ZNF277: variants seen among roughly 807,000 people sequenced by gnomAD.
The protein encoded by ZNF277 is zinc finger protein 277.
A neutral mutation model predicts 60.7 loss-of-function variants in ZNF277; 55 were observed. The observed-to-expected ratio is 0.91, with a 90% CI of 0.73 to 1.13. The LOEUF (loss-of-function observed/expected upper bound fraction) is 1.13, where lower values mean the gene tolerates loss of function less well. Among genes scored for constraint, ZNF277 ranks in the 50% most tolerant of loss-of-function variants. The pLI, the probability that ZNF277 is intolerant of heterozygous loss-of-function variation, is 0.00. For missense variants in ZNF277, 510 were observed against 523.0 expected (o/e 0.98, Z 0.24); for synonymous variants, 178 against 179.3 (o/e 0.99, Z 0.06).
chr7:112,254,581 TTAAAA>T (rs1791267408), intron 1 of ZNF277, among the ~76,000 whole-genome samples: 1 of 152,300 alleles, frequency 6.6e-6, no homozygotes, highest in African/African-American at 2.4e-5. Context: ...ACAATTTGTG[TTAAAA>T]TAAATATGGC....
At chr7:112,279,698 C>G (rs1791896868) in intron 1 of ZNF277, among the ~76,000 whole-genome samples, 1 of 152,070 alleles carries the variant, frequency 6.6e-6, no homozygotes, top group Non-Finnish European at 1.5e-5. Flanking sequence ...TTGACCAGAA[C>G]ATAACAGTCA....
In ZNF277 at chr7:112,244,235, G is replaced by A. The variant is rs184611749; in HGVS notation, c.91+37428G>A. Among the ~76,000 whole-genome samples, 12 of 152,174 alleles carry A rather than the reference G, an allele frequency of 7.9e-5. No homozygotes were observed. In the East Asian group the frequency reaches 1.7e-3, roughly 22 times the overall value. ...AAAAGCTTCACTGCTGTGAGATATA[G>A]CCACATAACAAAACTACACTTGTAC... On this transcript the variant is annotated intron_variant, in intron 1 of 11. Transcript: ENST00000361822.
At chr7:112,263,820 G>A (rs1791488025) in intron 1 of ZNF277, among the ~76,000 whole-genome samples, 2 of 152,012 alleles carry the variant, frequency 1.3e-5, no homozygotes, top group Non-Finnish European at 2.9e-5. Flanking sequence ...AGAACCTGTT[G>A]AAAGCTGTGA....
At position 112,295,939 on chromosome 7, in the gene ZNF277, A is replaced by G; in HGVS notation, c.364A>G (p.Asn122Asp). ...AGATTTTTGTAGTGTAATAAGAATTAATTCCACTGCTCCATTTGGTAAGTG... is the reference window on the plus strand; with the variant it reads ...AGATTTTTGTAGTGTAATAAGAATTGATTCCACTGCTCCATTTGGTAAGTG... Reference protein sequence around the residue: ...ITDFCSVIRINSTAPFEEQEN... With the variant: ...ITDFCSVIRIDSTAPFEEQEN... Residue 122 changes from asparagine (N) to aspartate (D), a missense_variant, in exon 3 of 12, where the codon AAT (asparagine) becomes GAT (aspartate). Coordinates refer to ENST00000361822, the MANE Select transcript of ZNF277 (RefSeq NM_021994.3). The G allele has an allele frequency of 6.2e-7, 1 of 1,611,308 alleles. No homozygotes were observed. Among genetic ancestry groups the G allele is most frequent in the Non-Finnish European group, 8.5e-7 (1 of 1,177,730 alleles).
intron 1 of ZNF277, among the ~76,000 whole-genome samples, chr7:112,219,507 C>T (rs1821971666): frequency 6.6e-6 from 1 of 152,130 alleles, no homozygotes; most frequent in Admixed American, 6.5e-5. Flanking sequence ...TCTTGGCACC[C>T]TTATCAAAGA....
At chr7:112,302,335 T>G (rs1792495609) in intron 4 of ZNF277, among the ~76,000 whole-genome samples, 1 of 152,062 alleles carries the variant, frequency 6.6e-6, no homozygotes, top group Non-Finnish European at 1.5e-5. Context: ...CATGCCACTT[T>G]TTAAAATATA....
intron 8 of ZNF277, among the ~76,000 whole-genome samples, chr7:112,336,649 A>G (rs1793340310): frequency 6.6e-6 from 1 of 152,076 alleles, no homozygotes; most frequent in Non-Finnish European, 1.5e-5. Flanking sequence ...AGGATTTCTT[A>G]TTTTTCATCT....
chr7:112,222,383 C>T lies in ZNF277; in HGVS notation c.91+15576C>T, dbSNP rs546821925. 4.6e-5 allele frequency among the ~76,000 whole-genome samples: 7 copies of T among 152,326 alleles called. No individual in the cohort carries two copies. The East Asian group carries it at 1.2e-3, about 25-fold the overall frequency. On this transcript the variant is annotated intron_variant, in intron 1 of 11. Coordinates refer to ENST00000361822, the MANE Select transcript of ZNF277 (RefSeq NM_021994.3). ...TCCTTACCTGATATTGAGCTGTTCA[C>T]ATTTTCCCTTTCTTCATAATTGAGT...
At chr7:112,254,141 T>C (rs1293338449) in intron 1 of ZNF277, among the ~76,000 whole-genome samples, 2 of 152,242 alleles carry the variant, frequency 1.3e-5, no homozygotes, top group Non-Finnish European at 2.9e-5. Context: ...CTAACTAGCA[T>C]TGAATCTTTA....
chr7:112,286,841 C>CGTTTTTTTT, intron 1 of ZNF277, 32 bp from the exon 2 acceptor site: 1 of 947,880 alleles, frequency 1.1e-6, no homozygotes, highest in Non-Finnish European at 1.4e-6. Context: ...TTCTTTCTTT[C>CGTTTTTTTT]TTTTTTTTTT....
chr7:112,213,851 C>T (rs188617977), intron 1 of ZNF277, among the ~76,000 whole-genome samples: 1 of 152,300 alleles, frequency 6.6e-6, no homozygotes, highest in African/African-American at 2.4e-5. Context: ...GGATCAGATT[C>T]TGGTAAACCT....
chr7:112,341,915 TAAAATTTGTA>T, intron 11 of ZNF277, among the ~76,000 whole-genome samples: 1 of 152,298 alleles, frequency 6.6e-6, no homozygotes, highest in Middle Eastern at 3.4e-3. Context: ...TTATATAAAT[TAAAATTTGTA>T]ATATTCCAAA....
At chr7:112,245,523 A>G (rs1186328030) in intron 1 of ZNF277, among the ~76,000 whole-genome samples, 2 of 152,186 alleles carry the variant, frequency 1.3e-5, no homozygotes, top group Non-Finnish European at 2.9e-5. Flanking sequence ...AGGTTTTGTG[A>G]TCTAGCCTCA....
intron 5 of ZNF277, among the ~76,000 whole-genome samples, chr7:112,323,029 G>GT (rs775793868): frequency 4.0e-5 from 6 of 150,934 alleles, no homozygotes. Context: ...TTGAACCACT[G>GT]TATCTTCTGC....
intron 1 of ZNF277, among the ~76,000 whole-genome samples, chr7:112,223,043 T>A (rs1013372385): frequency 6.6e-6 from 1 of 152,256 alleles, no homozygotes; most frequent in Non-Finnish European, 1.5e-5. Context: ...TTCTCCTTGC[T>A]CTTCAGCCTG....
At chr7:112,329,101 C>T (rs1793168497) in intron 6 of ZNF277, among the ~76,000 whole-genome samples, 2 of 151,832 alleles carry the variant, frequency 1.3e-5, no homozygotes, top group African/African-American at 4.8e-5. Flanking sequence ...GAATATACTA[C>T]AAAAGAATAT....
chr7:112,262,004 T>G (rs1021623382), intron 1 of ZNF277, among the ~76,000 whole-genome samples: 1 of 152,122 alleles, frequency 6.6e-6, no homozygotes, highest in Non-Finnish European at 1.5e-5. Flanking sequence ...CATTGATTCT[T>G]CTGTTCAGTG....
intron 1 of ZNF277, among the ~76,000 whole-genome samples, chr7:112,257,607 C>G (rs1015555961): frequency 2.0e-5 from 3 of 152,024 alleles, no homozygotes; most frequent in Admixed American, 2.0e-4. Context: ...TGTTATTAGA[C>G]TTTATTTAAT....
At chr7:112,248,353 T>A (rs116011468) in intron 1 of ZNF277, among the ~76,000 whole-genome samples, 65 of 151,902 alleles carry the variant, frequency 4.3e-4, no homozygotes, top group African/African-American at 1.6e-3. Context: ...TTTATTTTTT[T>A]TTTTTCATAA....
Sources: gnomAD v4.1 joint callset for allele counts (sites outside exome capture counted in the v4.1 genomes callset) on GRCh38, gnomAD v4.1.1 for gene constraint, MANE v1.5 for transcripts, NCBI Gene and HGNC (gene_info 2026-07-23, HGNC 2026-07-21) for gene names.